TTN: variants seen among roughly 807,000 people sequenced by gnomAD.
The protein encoded by TTN is connectin.
Under a neutral mutation model 3,223.0 loss-of-function variants are expected in TTN, and 1,525 were observed. The observed-to-expected ratio is 0.47, with a 90% CI of 0.45 to 0.49. The LOEUF (loss-of-function observed/expected upper bound fraction) is 0.49, where lower values mean the gene tolerates loss of function less well. Among genes scored for constraint, TTN ranks in the 20% least tolerant of loss-of-function variants. TTN has a pLI of 0.00. For missense variants in TTN, 40,786 were observed against 43,424.0 expected (o/e 0.94, Z 5.40); for synonymous variants, 14,094 against 15,161.0 (o/e 0.93, Z 5.17).
chr2:178,739,935 G>T lies in TTN; in HGVS notation c.13298C>A (p.Thr4433Asn). 1.2e-6 allele frequency: 2 copies of T among 1,613,836 alleles called. No individual in the cohort carries two copies. Among genetic ancestry groups the T allele is most frequent in the Admixed American group, 1.7e-5 (1 of 59,996 alleles). ...GCACATGATGTGTCTGGGCTCTTGG[G>T]TGATGTTTACAGCCTCGACCTCCAC... Reference protein sequence around the residue: ...EKVEVEAVNITQEPRHIMCMY... With the variant: ...EKVEVEAVNINQEPRHIMCMY... Residue 4433 changes from threonine to asparagine, a missense_variant, in exon 48 of 363, where the codon ACC becomes AAC. Transcript: ENST00000589042.
chr2:178,778,017 A>G (rs2154346945), intron 24 of TTN, 42 bp from the exon 25 acceptor site: 1 of 1,593,840 alleles, frequency 6.3e-7, no homozygotes, highest in East Asian at 2.3e-5. Context: ...AGGCATAAAG[A>G]AAACTCAGCA....
At position 178,632,613 on chromosome 2, in the gene TTN, C is replaced by T; in HGVS notation, c.43393G>A (p.Val14465Met). The change falls in exon 235 of 363, where the codon GTG becomes ATG. Residue 14465 changes from valine (V) to methionine (M), a missense_variant. By Grantham distance (21) the Val-to-Met change is conservative. Transcript: ENST00000589042. ...TCTTCAAAAGCAGCTGACTTGATCA[C>T]CATTGAATGCTTAGTGCCATCCTTT... ...LIKDGTKHSM[V>M]IKSAAFEDEA... is the part of the protein sequence containing the mutation. 1 of 1,613,474 alleles carries T rather than the reference C, an allele frequency of 6.2e-7. No homozygotes were observed. The highest frequency in any genetic ancestry group is 8.5e-7 in the Non-Finnish European group (1 of 1,179,578).
intron 38 of TTN, among the ~76,000 whole-genome samples, chr2:178,768,411 A>T (rs2090907163): frequency 6.6e-6 from 1 of 152,152 alleles, no homozygotes; most frequent in Non-Finnish European, 1.5e-5. Context: ...ATCTCTATAG[A>T]TTTGTGTATC....
rs1288068048 is a variant in TTN at position 178,559,960 on chromosome 2, T to G, written c.86172A>C (p.Arg28724Ser). 1.9e-6 allele frequency: 3 copies of G among 1,613,824 alleles called. No homozygotes were observed. In the South Asian group the frequency reaches 3.3e-5, roughly 18 times the overall value. Residue 28724 changes from arginine (R) to serine (S), a missense_variant, in exon 326 of 363, where the codon AGA (arginine) becomes AGC (serine). Physicochemically the swap from Arg to Ser is moderately radical, Grantham distance 110. Coordinates refer to ENST00000589042, the MANE Select transcript of TTN (RefSeq NM_001267550.2). The stretch of plus-strand genomic sequence containing the variant: ...CACCAACCTTATTGACAGATTTTAC[T>G]CTGAAAACATATTCAGCTCCTGTTG... ...GLTTGAEYVF[R>S]VKSVNKVGAS...
chr2:178,551,483 A>G, intron 335 of TTN, 147 bp downstream of exon 335: 2 of 806,950 alleles, frequency 2.5e-6, no homozygotes, highest in Non-Finnish European at 3.6e-6. Context: ...CTGACTTAAA[A>G]TAATTCCTCT....
chr2:178,720,559 A>C lies in TTN; in HGVS notation c.23203T>G (p.Trp7735Gly). The C allele has an allele frequency of 6.2e-7, 1 of 1,613,486 alleles. No individual in the cohort carries two copies. The highest frequency in any genetic ancestry group is 8.5e-7 in the Non-Finnish European group (1 of 1,179,592). The change falls in exon 80 of 363, where the codon TGG becomes GGG. Residue 7735 changes from tryptophan to glycine, a missense_variant. Coordinates refer to ENST00000589042, the MANE Select transcript of TTN (RefSeq NM_001267550.2). ...CTAACCTGCTTTCGATCTTTAACCC[A>C]TACTACTTCAAATGGGGGAGTTCCC... ...ISGTPPFEVV[W>G]VKDRKQVRNS...
At chr2:178,642,152 C>A in intron 219 of TTN, 85 bp downstream of exon 219, 1 of 1,185,910 alleles carries the variant, frequency 8.4e-7, no homozygotes, top group African/African-American at 1.6e-5. Context: ...TCAAAGAAAA[C>A]CAAAGGACAG....
chr2:178,700,880 G>A (rs2074840268), intron 111 of TTN, among the ~76,000 whole-genome samples: 2 of 152,100 alleles, frequency 1.3e-5, no homozygotes. Context: ...TAATGTTTCA[G>A]TAATTTCATT....
At position 178,677,854 on chromosome 2, in the gene TTN, A is replaced by G. The variant is rs752527275; in HGVS notation, c.34058T>C (p.Phe11353Ser). 7 of 1,612,276 alleles carry G rather than the reference A, an allele frequency of 4.3e-6. No homozygotes were observed. The East Asian group carries it at 8.9e-5, about 21-fold the overall frequency. The change falls in exon 146 of 363, where the codon TTT (phenylalanine) becomes TCT (serine). Residue 11353 changes from phenylalanine (F) to serine (S), a missense_variant. By Grantham distance (155) the Phe-to-Ser change is radical (BLOSUM62 -2). Transcript: ENST00000589042. ...CTCTTCAGGAACAATTTCTTCTTCA[A>G]ATAGAACTTCCTCTTCCTGAGGTAG... The part of the protein sequence containing the change: ...VALPQEEEVL[F>S]EEEIVPEEEV...
In TTN at chr2:178,647,456, C is replaced by A. The variant is rs533513173; in HGVS notation, c.40066G>T (p.Val13356Leu). The A allele has an allele frequency of 7.8e-5, 121 of 1,549,400 alleles. No individual in the cohort carries two copies. The highest frequency in any genetic ancestry group is 9.7e-5 in the Non-Finnish European group (111 of 1,146,340). Residue 13356 changes from valine (V) to leucine (L), a missense_variant, in exon 214 of 363, where the codon GTG becomes TTG. Coordinates refer to ENST00000589042, the MANE Select transcript of TTN (RefSeq NM_001267550.2). Reference protein sequence around the residue: ...PEVLPEKVPKVPEKIIPEKEV... With the variant: ...PEVLPEKVPKLPEKIIPEKEV... ...TTTTCTGGGATGATTTTCTCAGGCA[C>A]TTTGGGCACTTTAAAGATATGATTT...
chr2:178,528,555 T>G lies in TTN; in HGVS notation c.107196A>C (p.Glu35732Asp). Residue 35732 changes from glutamate to aspartate, a missense_variant, in exon 360 of 363, where the codon GAA (glutamate) becomes GAC (aspartate). Coordinates refer to ENST00000589042, the MANE Select transcript of TTN (RefSeq NM_001267550.2). Reference sequence around the variant, plus strand: ...GCAGGTTGTTTTTAAACCATTCGATTTCAGGGGATGGCTCGCCACTGATTT... The same window carrying G: ...GCAGGTTGTTTTTAAACCATTCGATGTCAGGGGATGGCTCGCCACTGATTT... ...TCEISGEPSP[E>D]IEWFKNNLPI... The G allele has an allele frequency of 6.2e-7, 1 of 1,610,792 alleles. No homozygotes were observed. Among genetic ancestry groups the G allele is most frequent in the Non-Finnish European group, 8.5e-7 (1 of 1,177,784 alleles).
Position 178,593,310 on chromosome 2 carries a change from A to T in TTN, c.58898T>A (p.Ile19633Asn). The T allele has an allele frequency of 6.2e-7, 1 of 1,613,418 alleles. No homozygotes were observed. The highest frequency in any genetic ancestry group is 8.5e-7 in the Non-Finnish European group (1 of 1,179,576). Residue 19633 changes from isoleucine (I) to asparagine (N), a missense_variant, in exon 299 of 363, where the codon ATT becomes AAT. Coordinates refer to ENST00000589042, the MANE Select transcript of TTN (RefSeq NM_001267550.2). The stretch of plus-strand genomic sequence containing the variant: ...AACCCTAAATTTAGTGTATGGATGA[A>T]TAGGATCTTTGGTAACTCTAGCCCA... Reference protein sequence around the residue: ...KRWARVTKDPIHPYTKFRVPD... With the variant: ...KRWARVTKDPNHPYTKFRVPD...
In TTN at chr2:178,683,300, G is replaced by GAGTA; in HGVS notation, c.32807-13_32807-10dup. The GAGTA allele has an allele frequency of 2.7e-6, 4 of 1,469,628 alleles. No individual in the cohort carries two copies. Among genetic ancestry groups the GAGTA allele is most frequent in the Non-Finnish European group, 3.7e-6 (4 of 1,087,892 alleles). The allele number at this position is 1,469,628 out of a possible 1,614,324, so 91.0% of individuals were successfully genotyped here. A position where few individuals can be genotyped will look rare whatever the true frequency, so the allele number is the denominator to read the frequency against. Reference sequence around the variant, plus strand: ...TTTTCTGAATTCAGTCACTTTAAAGGAGTAATTATTAAAAGTGAATTGCAA... The same window carrying GAGTA: ...TTTTCTGAATTCAGTCACTTTAAAGGAGTAAGTAATTATTAAAAGTGAATTGCAA... On this transcript the variant is annotated splice_polypyrimidine_tract_variant and intron_variant, in intron 133 of 362. Coordinates refer to ENST00000589042, the MANE Select transcript of TTN (RefSeq NM_001267550.2).
rs1215593400 is a variant in TTN, at chr2:178,587,119, T to A, written c.64092A>T (p.Leu21364=). The A allele has an allele frequency of 6.2e-7, 1 of 1,613,204 alleles. No individual in the cohort carries two copies. Among genetic ancestry groups the A allele is most frequent in the Admixed American group, 1.7e-5 (1 of 59,974 alleles). The change falls in exon 307 of 363, where the codon CTA becomes CTT. Residue 21364 remains leucine, a splice_region_variant and synonymous_variant. Transcript: ENST00000589042. ...GGAGGAAGAAAGCATAATACTTACT[T>A]AGAGGATCTGATGCAAGCACTGGTT... The part of the protein sequence containing the change: ...VPKPVLASDP[L]SEPDPPRKLE...
In TTN at chr2:178,535,823, T is replaced by TTTTAGGTACAC. The variant is rs1691180795; in HGVS notation, c.100791_100792insGTGTACCTAAA (p.Thr33598ValfsTer33). On this transcript the variant is annotated frameshift_variant, in exon 358 of 363. Transcript: ENST00000589042. LOFTEE classifies it high-confidence loss of function. ...TGAACTGCTCCCATGCCTTCAAGAG[T>TTTTAGGTACAC]TTTAGGTAAGTGTATCTTAGCTGGA... 6.3e-7 allele frequency: 1 copy of TTTTAGGTACAC among 1,595,308 alleles called. No homozygotes were observed. The highest frequency in any genetic ancestry group is 8.5e-7 in the Non-Finnish European group (1 of 1,171,800).
chr2:178,682,442 C>T (rs532605421), intron 135 of TTN, among the ~76,000 whole-genome samples: 17 of 151,932 alleles, frequency 1.1e-4, no homozygotes, highest in African/African-American at 3.1e-4. Context: ...ATTTTGCATA[C>T]GAGCAAAAAT....
Position 178,618,760 on chromosome 2 carries a change from G to T in TTN, c.46790C>A (p.Ala15597Glu). ...MVVPYDAYPK[A>E]EAEWFKENEP... ...ATTTTCTTTAAACCATTCAGCTTCTGCTTTGGGGTAGGCATCATATGGCAC... is the reference window on the plus strand; with the variant it reads ...ATTTTCTTTAAACCATTCAGCTTCTTCTTTGGGGTAGGCATCATATGGCAC... The change falls in exon 251 of 363, where the codon GCA becomes GAA. Residue 15597 changes from alanine (A) to glutamate (E), a missense_variant. Ala to Glu is a moderately radical substitution (Grantham distance 107). Coordinates refer to ENST00000589042, the MANE Select transcript of TTN (RefSeq NM_001267550.2). The T allele has an allele frequency of 3.7e-6, 6 of 1,611,668 alleles. No individual in the cohort carries two copies. The highest frequency in any genetic ancestry group is 5.1e-6 in the Non-Finnish European group (6 of 1,178,756).
chr2:178,561,964 T>C lies in TTN; in HGVS notation c.84168A>G (p.Pro28056=). Residue 28056 remains proline, a synonymous_variant, in exon 326 of 363, where the codon CCA becomes CCG. Coordinates refer to ENST00000589042, the MANE Select transcript of TTN (RefSeq NM_001267550.2). The part of the protein sequence containing the change: ...VPITIIVLDR[P]GPPGPIRIDE... ...CAATACGTATAGGACCTGGAGGTCC[T>C]GGTCTGTCAAGGACAATTATAGTAA... 1 of 1,613,164 alleles carries C rather than the reference T, an allele frequency of 6.2e-7. No homozygotes were observed. The highest frequency in any genetic ancestry group is 8.5e-7 in the Non-Finnish European group (1 of 1,179,352).
chr2:178,652,140 A>G lies in TTN; in HGVS notation c.39251T>C (p.Val13084Ala), dbSNP rs765580380. The change falls in exon 204 of 363, where the codon GTG becomes GCG. Residue 13084 changes from valine (V) to alanine (A), a missense_variant. Transcript: ENST00000589042. ...VPKVAVPEKK[V>A]PEAIPPKPES... ...CGGTTTGGGAGGAATAGCTTCAGGCACCTTCTTTTCTGGGACAGCTACCTT... is the reference window on the plus strand; with the variant it reads ...CGGTTTGGGAGGAATAGCTTCAGGCGCCTTCTTTTCTGGGACAGCTACCTT... 2 of 1,612,234 alleles carry G rather than the reference A, an allele frequency of 1.2e-6. No individual in the cohort carries two copies. The highest frequency in any genetic ancestry group is 2.2e-5 in the South Asian group (2 of 91,004).
Sources: gnomAD v4.1 joint callset for allele counts (sites outside exome capture counted in the v4.1 genomes callset) on GRCh38, gnomAD v4.1.1 for gene constraint, MANE v1.5 for transcripts, NCBI Gene and HGNC (gene_info 2026-07-23, HGNC 2026-07-21) for gene names.